PALS2: variants seen among roughly 807,000 people sequenced by gnomAD.
The protein encoded by PALS2 is protein associated with LIN7 2, MAGUK p55 family member, also known as protein PALS2.
PALS2 carries 27 observed loss-of-function variants against 61.6 expected under a neutral mutation model. The ratio of observed to expected loss-of-function variants is 0.44; its 90% CI spans 0.32 to 0.60. PALS2 has a LOEUF of 0.60. PALS2 is among the 20% of genes least tolerant of loss of function. The pLI is 0.05. For synonymous variants in PALS2, 236 were observed against 218.6 expected, an observed-to-expected ratio of 1.08 and a Z score of -0.70; for missense variants, 554 against 639.4, an observed-to-expected ratio of 0.87 and a Z score of 1.44.
chr7:24,620,392 A>G (rs914714953), intron 1 of PALS2, among the ~76,000 whole-genome samples: 62 of 152,346 alleles, frequency 4.1e-4, no homozygotes, highest in African/African-American at 1.4e-3. Flanking sequence ...TATACAAACT[A>G]ATTTGAGAAT....
intron 9 of PALS2, among the ~76,000 whole-genome samples, chr7:24,669,551 CT>C (rs1457105519): frequency 1.3e-5 from 2 of 152,198 alleles, no homozygotes; most frequent in African/African-American, 4.8e-5. Flanking sequence ...ACCAAGCCCC[CT>C]TTTAACATGG....
intron 3 of PALS2, among the ~76,000 whole-genome samples, chr7:24,647,300 C>T (rs531812384): frequency 4.5e-4 from 68 of 152,138 alleles, no homozygotes; most frequent in South Asian, 2.1e-3. Flanking sequence ...AGTCACGTGC[C>T]GTGACACCCA....
chr7:24,636,212 CAA>C (rs553687246), intron 2 of PALS2, among the ~76,000 whole-genome samples: 58 of 65,342 alleles, frequency 8.9e-4, no homozygotes, highest in African/African-American at 2.5e-3. Flanking sequence ...AACTCTATCT[CAA>C]AAAAAAAAAA....
At chr7:24,593,413 A>G (rs1444237001) in intron 1 of PALS2, among the ~76,000 whole-genome samples, 2 of 152,120 alleles carry the variant, frequency 1.3e-5, no homozygotes, top group Non-Finnish European at 2.9e-5. Flanking sequence ...ACCTTCTCCC[A>G]TGAATCACAA....
Position 24,641,883 on chromosome 7 carries a change from C to A in PALS2, c.270+15C>A. On this transcript the variant is annotated intron_variant, in intron 3 of 11. Transcript: ENST00000222644. ...CTCACTTCCAGGTAACTTTCCCTAT[C>A]ACTCAACTCTCAAGTTCCCTGTATT... 6.2e-7 allele frequency: 1 copy of A among 1,609,030 alleles called. No individual in the cohort carries two copies. Among genetic ancestry groups the A allele is most frequent in the Non-Finnish European group, 8.5e-7 (1 of 1,177,388 alleles).
At position 24,670,264 on chromosome 7, in the gene PALS2, T is replaced by TTA. The variant is rs139682792; in HGVS notation, c.1114+1614_1114+1615dup. Among the ~76,000 whole-genome samples, 1,088 of 152,160 alleles carry TTA rather than the reference T, an allele frequency of 7.2e-3. 2 individuals carry two copies. The highest frequency in any genetic ancestry group is 0.012 in the Non-Finnish European group (795 of 67,990). On this transcript the variant is annotated intron_variant, in intron 9 of 11. Transcript: ENST00000222644. ...CTGTTTTTCTTTATACTACCTGATT[T>TTA]TATATATATATGTGTATACAGTTTT...
At chr7:24,644,018 T>C (rs1477386032) in intron 3 of PALS2, among the ~76,000 whole-genome samples, 1 of 152,094 alleles carries the variant, frequency 6.6e-6, no homozygotes, top group Non-Finnish European at 1.5e-5. Flanking sequence ...ATTATACAAA[T>C]TCTGTTCTCT....
chr7:24,616,396 C>T (rs1334133426), intron 1 of PALS2, among the ~76,000 whole-genome samples: 1 of 152,064 alleles, frequency 6.6e-6, no homozygotes, highest in Non-Finnish European at 1.5e-5. Flanking sequence ...TTTCTATATA[C>T]AAACAACACA....
chr7:24,608,073 A>G (rs1021440211), intron 1 of PALS2, among the ~76,000 whole-genome samples: 2 of 152,208 alleles, frequency 1.3e-5, no homozygotes, highest in African/African-American at 4.8e-5. Flanking sequence ...ACATATTTAT[A>G]TACATATGTG....
intron 9 of PALS2, among the ~76,000 whole-genome samples, 198 bp from the exon 10 acceptor site, chr7:24,678,933 T>C (rs1489013179): frequency 6.6e-6 from 1 of 152,310 alleles, no homozygotes; most frequent in East Asian, 1.9e-4. Context: ...AAAGAAACCA[T>C]GTATGATACA....
At chr7:24,631,319 C>T (rs1583906283) in intron 2 of PALS2, among the ~76,000 whole-genome samples, 1 of 152,180 alleles carries the variant, frequency 6.6e-6, no homozygotes, top group East Asian at 1.9e-4. Flanking sequence ...AAAGATGACA[C>T]TTTCTTGACT....
intron 5 of PALS2, among the ~76,000 whole-genome samples, chr7:24,660,098 T>G (rs1458352402): frequency 6.6e-6 from 1 of 152,220 alleles, no homozygotes; most frequent in Non-Finnish European, 1.5e-5. Context: ...CTCGGACATC[T>G]TGAAAGACAT....
intron 9 of PALS2, among the ~76,000 whole-genome samples, chr7:24,672,163 T>C (rs1223567350): frequency 2.6e-5 from 4 of 151,204 alleles, no homozygotes; most frequent in Admixed American, 2.6e-4. Flanking sequence ...TATATAGAAA[T>C]GCCAGTAACT....
intron 1 of PALS2, chr7:24,619,996 T>C (rs113550495): frequency 2.0e-5 from 3 of 152,248 alleles, no homozygotes; most frequent in African/African-American, 7.2e-5. Context: ...TAGAGTTGTC[T>C]TGTGTTTATC....
At position 24,680,463 on chromosome 7, in the gene PALS2, G is replaced by A. The variant is rs145098269; in HGVS notation, c.1389G>A (p.Thr463=). The A allele has an allele frequency of 9.8e-4, 1,588 of 1,614,040 alleles. 20 individuals are homozygous for A. The African/African-American group carries it at 0.02, about 20-fold the overall frequency. ...VVFIAAPELE[T]LRAMHKAVVD... is the part of the protein sequence containing the mutation. Reference sequence around the variant, plus strand: ...TTATTGCGGCTCCGGAGCTAGAGACGTTACGTGCCATGCACAAGGCTGTGG... The same window carrying A: ...TTATTGCGGCTCCGGAGCTAGAGACATTACGTGCCATGCACAAGGCTGTGG... Residue 463 remains threonine (T), a synonymous_variant, in exon 11 of 12, where the codon ACG becomes ACA. Coordinates refer to ENST00000222644, the MANE Select transcript of PALS2 (RefSeq NM_001303037.2).
At chr7:24,620,345 G>A (rs932166319) in intron 1 of PALS2, 9 of 152,220 alleles carry the variant, frequency 5.9e-5, no homozygotes, top group African/African-American at 2.2e-4. Context: ...TAGTTTAAAA[G>A]AACTATGTAT....
intron 11 of PALS2, among the ~76,000 whole-genome samples, chr7:24,684,648 A>T (rs1287282913): frequency 6.6e-6 from 1 of 152,208 alleles, no homozygotes; most frequent in Non-Finnish European, 1.5e-5. Context: ...CCTTTTCAGT[A>T]ACCAGAAGTA....
intron 1 of PALS2, among the ~76,000 whole-genome samples, chr7:24,608,220 T>C (rs1046909286): frequency 2.0e-5 from 3 of 152,200 alleles, no homozygotes; most frequent in East Asian, 3.9e-4. Flanking sequence ...GTTTGATTAT[T>C]GTTCCTTTTA....
intron 1 of PALS2, among the ~76,000 whole-genome samples, chr7:24,575,762 A>G (rs932365338): frequency 1.3e-5 from 2 of 152,242 alleles, no homozygotes; most frequent in African/African-American, 4.8e-5. Flanking sequence ...AGTGCTAGTC[A>G]AAGGCTAATT....
Sources: gnomAD v4.1 joint callset for allele counts (sites outside exome capture counted in the v4.1 genomes callset) on GRCh38, gnomAD v4.1.1 for gene constraint, MANE v1.5 for transcripts, NCBI Gene and HGNC (gene_info 2026-07-23, HGNC 2026-07-21) for gene names.